The following ST6GAL1 variants were observed in gnomAD, a reference collection of about 807,000 sequenced individuals.
The protein encoded by ST6GAL1 is beta-galactoside alpha-2,6-sialyltransferase 1.
A neutral mutation model predicts 38.0 loss-of-function variants in ST6GAL1; 20 were observed. The ratio of observed to expected loss-of-function variants is 0.53; its 90% CI spans 0.37 to 0.77. The LOEUF is 0.77. Among genes scored for constraint, ST6GAL1 ranks in the 30% least tolerant of loss-of-function variants. The pLI is 0.00. For synonymous variants in ST6GAL1, 196 were observed against 188.2 expected (o/e 1.04, Z -0.34); for missense variants, 432 against 496.4 (o/e 0.87, Z 1.23).
intron 2 of ST6GAL1, among the ~76,000 whole-genome samples, chr3:186,993,889 A>G (rs563506787): frequency 3.9e-5 from 6 of 152,192 alleles, no homozygotes; most frequent in Non-Finnish European, 8.8e-5. Flanking sequence ...ACTTATAACA[A>G]TGATGATAAT....
intron 2 of ST6GAL1, chr3:186,986,493 C>T (rs1715928162): frequency 1.3e-5 from 2 of 153,098 alleles, no homozygotes; most frequent in South Asian, 4.1e-4. Flanking sequence ...AACAAAATAA[C>T]AAGAATGTCC....
At chr3:187,011,630 G>GGCAT (rs1716959791) in intron 2 of ST6GAL1, among the ~76,000 whole-genome samples, 1 of 152,182 alleles carries the variant, frequency 6.6e-6, no homozygotes, top group African/African-American at 2.4e-5. Context: ...CTTCACACAG[G>GGCAT]GAAGGCCCCT....
chr3:187,060,349 C>T (rs1037560537), intron 5 of ST6GAL1, among the ~76,000 whole-genome samples: 13 of 152,022 alleles, frequency 8.6e-5, no homozygotes, highest in African/African-American at 2.4e-4. Flanking sequence ...TTAGCAGAGA[C>T]GAGGTTTCAC....
At chr3:187,058,083 T>A (rs1377030700) in intron 5 of ST6GAL1, among the ~76,000 whole-genome samples, 3 of 152,230 alleles carry the variant, frequency 2.0e-5, no homozygotes, top group African/African-American at 7.2e-5. Context: ...GGCTCCGTGG[T>A]CCTGGGACCC....
Position 187,074,219 on chromosome 3 carries a change from C to T in ST6GAL1, c.865C>T (p.Pro289Ser). 2 of 1,612,856 alleles carry T rather than the reference C, an allele frequency of 1.2e-6. No individual in the cohort carries two copies. Among genetic ancestry groups the T allele is most frequent in the Non-Finnish European group, 1.7e-6 (2 of 1,179,546 alleles). Reference sequence around the variant, plus strand: ...CTACAAGACTTATCGTAAGCTGCACCCCAATCAGCCCTTTTACATCCTCAA... The same window carrying T: ...CTACAAGACTTATCGTAAGCTGCACTCCAATCAGCCCTTTTACATCCTCAA... ...NNYKTYRKLH[P>S]NQPFYILKPQ... is the part of the protein sequence containing the mutation. The change falls in exon 7 of 8, where the codon CCC becomes TCC. Residue 289 changes from proline to serine, a missense_variant. Coordinates refer to ENST00000169298, the MANE Select transcript of ST6GAL1 (RefSeq NM_173216.2).
chr3:187,024,493 TAGAGAGAGAGAGAGAG>T (rs61165191), intron 2 of ST6GAL1, among the ~76,000 whole-genome samples: 5 of 85,772 alleles, frequency 5.8e-5, no homozygotes, highest in Non-Finnish European at 1.0e-4. Flanking sequence ...TATATATATA[TAGAGAGAGAGAGAGAG>T]AGAGAGAGAG....
At chr3:186,997,760 G>GA (rs34450078) in intron 2 of ST6GAL1, among the ~76,000 whole-genome samples, 2,142 of 144,292 alleles carry the variant, frequency 0.015, 43 homozygotes, top group African/African-American at 0.052. Flanking sequence ...GTCTCAAAAA[G>GA]AAAAAAAAAA....
chr3:186,963,288 G>A lies in ST6GAL1; in HGVS notation c.-324-497G>A, dbSNP rs559139143. Among the ~76,000 whole-genome samples, 20 of 152,232 alleles carry A rather than the reference G, an allele frequency of 1.3e-4. No individual in the cohort carries two copies. The South Asian group carries it at 1.9e-3, about 14-fold the overall frequency. On this transcript the variant is annotated intron_variant, in intron 1 of 7. Transcript: ENST00000169298. ...TGTCCAGGCTGGAGTGCAGTGGCAC[G>A]ATCTTGGCTCACTGCAACCTCCGCC...
intron 4 of ST6GAL1, among the ~76,000 whole-genome samples, chr3:187,050,437 A>G (rs1472724894): frequency 2.0e-5 from 3 of 152,188 alleles, no homozygotes; most frequent in Non-Finnish European, 4.4e-5. Flanking sequence ...AGTTGCAAAG[A>G]CAAGGAGCTA....
chr3:186,971,239 C>T (rs1447287159), intron 2 of ST6GAL1, among the ~76,000 whole-genome samples: 4 of 152,336 alleles, frequency 2.6e-5, no homozygotes, highest in African/African-American at 7.2e-5. Context: ...CAGGTGTGCG[C>T]CACCATGCCT....
Position 187,016,569 on chromosome 3 carries a change from C to G in ST6GAL1, c.-182-22173C>G, listed in dbSNP as rs188665774. Among the ~76,000 whole-genome samples, 478 of 152,074 alleles carry G rather than the reference C, an allele frequency of 3.1e-3. 7 individuals are homozygous for G. The highest frequency in any genetic ancestry group is 2.2e-3 in the Non-Finnish European group (149 of 67,986). ...GGAGGCAGTTCGAGGTTGAGATGAA[C>G]CATTGAGTGATGACTTCTGTGGATC... On this transcript the variant is annotated intron_variant, in intron 2 of 7. Transcript: ENST00000169298.
Position 187,075,860 on chromosome 3 carries a change from C to G in ST6GAL1, c.*57C>G, listed in dbSNP as rs1719543301. 1 of 1,599,366 alleles carries G rather than the reference C, an allele frequency of 6.3e-7. No homozygotes were observed. Among genetic ancestry groups the G allele is most frequent in the Non-Finnish European group, 8.5e-7 (1 of 1,171,404 alleles). On this transcript the variant is annotated 3_prime_UTR_variant, in exon 8 of 8. Coordinates refer to ENST00000169298, the MANE Select transcript of ST6GAL1 (RefSeq NM_173216.2). The surrounding 1 kb of genome is among the most constrained non-coding windows in gnomAD (Gnocchi z 4.1). ...TTAAATGAATGGTCTCTTGGCCACCCCAGCCTGGGAAGAACATTTTCCTGA... is the reference window on the plus strand; with the variant it reads ...TTAAATGAATGGTCTCTTGGCCACCGCAGCCTGGGAAGAACATTTTCCTGA...
chr3:187,029,519 C>G (rs560748567), intron 2 of ST6GAL1, among the ~76,000 whole-genome samples: 1 of 152,178 alleles, frequency 6.6e-6, no homozygotes, highest in East Asian at 1.9e-4. Context: ...GAACAAGTAG[C>G]AAATTCATCA....
At chr3:187,021,282 T>C (rs149441256) in intron 2 of ST6GAL1, among the ~76,000 whole-genome samples, 145 of 152,196 alleles carry the variant, frequency 9.5e-4, no homozygotes, top group African/African-American at 3.3e-3. Flanking sequence ...TTTCCATGCA[T>C]GTTTCCTGGC....
At chr3:187,014,389 C>T (rs923330402) in intron 2 of ST6GAL1, among the ~76,000 whole-genome samples, 1 of 152,182 alleles carries the variant, frequency 6.6e-6, no homozygotes, top group African/African-American at 2.4e-5. Flanking sequence ...TCTGGGCCCA[C>T]CGTTTTGAGC....
intron 1 of ST6GAL1, among the ~76,000 whole-genome samples, chr3:186,933,305 G>A (rs1012777024): frequency 4.6e-5 from 7 of 152,176 alleles, no homozygotes; most frequent in Non-Finnish European, 7.3e-5. Context: ...GAACTTTTCC[G>A]TCTTCAGGTA....
intron 1 of ST6GAL1, among the ~76,000 whole-genome samples, chr3:186,932,610 CCT>C (rs1472629557): frequency 6.6e-6 from 1 of 152,204 alleles, no homozygotes; most frequent in Non-Finnish European, 1.5e-5. Flanking sequence ...AGATGTTTTG[CCT>C]CTCATCCTTG....
At position 187,074,344 on chromosome 3, in the gene ST6GAL1, G is replaced by A. The variant is rs369221490; in HGVS notation, c.979+11G>A. 4.5e-6 allele frequency: 7 copies of A among 1,558,220 alleles called. No individual in the cohort carries two copies. The highest frequency in any genetic ancestry group is 2.5e-5 in the South Asian group (2 of 80,404). On this transcript the variant is annotated intron_variant, in intron 7 of 7. Transcript: ENST00000169298. ...CCTCTGGGATGCTTGGTGAGTTCAT[G>A]TCGGGGAAAAGACCTTGCATGTTTG...
intron 1 of ST6GAL1, among the ~76,000 whole-genome samples, chr3:186,942,859 C>T (rs1277328951): frequency 1.3e-5 from 2 of 152,192 alleles, no homozygotes; most frequent in Non-Finnish European, 2.9e-5. Context: ...CCCACCACTA[C>T]GCCCAGCTAA....
Sources: allele counts gnomAD v4.1 joint callset (sites outside exome capture counted in the v4.1 genomes callset), GRCh38; gene constraint gnomAD v4.1.1; non-coding constraint Gnocchi (gnomAD v3.1); transcripts MANE v1.5; gene names NCBI Gene and HGNC (gene_info 2026-07-23, HGNC 2026-07-21).